STXBP3: variants seen among roughly 807,000 people sequenced by gnomAD.
STXBP3 encodes the protein syntaxin binding protein 3, also known as syntaxin-binding protein 3.
In STXBP3, 41 loss-of-function variants were observed where a neutral mutation model predicts 85.7. That is an observed-to-expected ratio of 0.48 (90% CI 0.37 to 0.62). The LOEUF (loss-of-function observed/expected upper bound fraction) is 0.62. STXBP3 is among the 20% of genes least tolerant of loss of function. The probability of loss-of-function intolerance (pLI) is 0.00; values close to 1 mark genes in which losing one functional copy is unlikely to be tolerated. For synonymous variants in STXBP3, 229 were observed against 231.7 expected (o/e 0.99, Z 0.10); for missense variants, 563 against 703.1 (o/e 0.80, Z 2.25).
Position 108,796,626 on chromosome 1 carries a change from C to A in STXBP3, c.1256C>A (p.Thr419Lys). The part of the protein sequence containing the change: ...LLYIFSINGT[T>K]EENLDRLIQN... ...ATATTTTTACCTATTTAAGGAACTA[C>A]GGAAGAAAATTTGGACAGGTTGATC... Residue 419 changes from threonine (T) to lysine (K), a missense_variant, in exon 15 of 19, where the codon ACG becomes AAG. Physicochemically the swap from Thr to Lys is moderately conservative, Grantham distance 78 (BLOSUM62 -1). Coordinates refer to ENST00000370008, the MANE Select transcript of STXBP3 (RefSeq NM_007269.4). 8 of 1,611,386 alleles carry A rather than the reference C, an allele frequency of 5.0e-6. No individual in the cohort carries two copies. Among genetic ancestry groups the A allele is most frequent in the Non-Finnish European group, 6.8e-6 (8 of 1,178,924 alleles).
At chr1:108,772,442 C>T (rs1662484032) in intron 6 of STXBP3, among the ~76,000 whole-genome samples, 1 of 136,444 alleles carries the variant, frequency 7.3e-6, no homozygotes, top group Non-Finnish European at 1.5e-5. Context: ...TGATATCTAT[C>T]TGTATAATAT....
At chr1:108,775,870 A>G (rs868042726) in intron 7 of STXBP3, among the ~76,000 whole-genome samples, 1 of 152,140 alleles carries the variant, frequency 6.6e-6, no homozygotes, top group African/African-American at 2.4e-5. Flanking sequence ...TATAGGAGAT[A>G]AAATGAATAA....
chr1:108,778,058 T>G (rs1662625796), intron 8 of STXBP3, among the ~76,000 whole-genome samples: 1 of 152,160 alleles, frequency 6.6e-6, no homozygotes. Context: ...TACTGCAAGA[T>G]GTGGTCAAGG....
intron 17 of STXBP3, among the ~76,000 whole-genome samples, chr1:108,803,577 C>T (rs541433956): frequency 9.8e-5 from 15 of 152,290 alleles, no homozygotes; most frequent in African/African-American, 2.9e-4. Context: ...CAACCTGTGC[C>T]TCCCGGACTC....
chr1:108,746,760 G>T lies in STXBP3; in HGVS notation c.23G>T (p.Arg8Met), dbSNP rs141120519. The change falls in exon 1 of 19, where the codon AGG becomes ATG. Residue 8 changes from arginine to methionine, a missense_variant. By Grantham distance (91) the Arg-to-Met change is moderately conservative. Coordinates refer to ENST00000370008, the MANE Select transcript of STXBP3 (RefSeq NM_007269.4). ...AAGATGGCGCCGCCGGTGGCAGAGA[G>T]GGGGCTAAAGAGCGTCGTGTGGCAG... MAPPVAE[R>M]GLKSVVWQKI... 6.5e-7 allele frequency: 1 copy of T among 1,550,196 alleles called. No homozygotes were observed.
In STXBP3 at chr1:108,800,236, G is replaced by A. The variant is rs1370244015; in HGVS notation, c.1466G>A (p.Arg489Lys). 3.7e-6 allele frequency: 6 copies of A among 1,610,044 alleles called. No homozygotes were observed. In the African/African-American group the frequency reaches 6.7e-5, roughly 18 times the overall value. Residue 489 changes from arginine to lysine, a missense_variant, in exon 17 of 19, where the codon AGA becomes AAA. Physicochemically the swap from Arg to Lys is conservative, Grantham distance 26. Around this residue, in one of 3 missense-constraint regions of STXBP3, gnomAD observed 494 missense variants for 592.8 expected, o/e 0.83. Transcript: ENST00000370008. ...KDIMEDAIDN[R>K]LDSKEWPYCS... ...CTTCCTTAGGATGCTATTGATAATA[G>A]ATTAGATTCAAAAGAATGGCCATAT...
At chr1:108,776,308 G>A in intron 7 of STXBP3, 25 bp from the exon 8 acceptor site, 1 of 1,521,614 alleles carries the variant, frequency 6.6e-7, no homozygotes, top group Non-Finnish European at 9.0e-7. Flanking sequence ...AAAGATAATT[G>A]TTTGATCCTT....
At chr1:108,793,229 C>T (rs375454057) in intron 11 of STXBP3, among the ~76,000 whole-genome samples, 150 of 113,184 alleles carry the variant, frequency 1.3e-3, no homozygotes, top group African/African-American at 4.8e-3. Flanking sequence ...TATTTCCTTT[C>T]AGTGGTGTTT....
At chr1:108,756,838 T>C (rs1214101263) in intron 4 of STXBP3, 72 bp downstream of exon 4, 7 of 1,171,592 alleles carry the variant, frequency 6.0e-6, no homozygotes, top group Non-Finnish European at 8.3e-6. Flanking sequence ...TAACAGAAAA[T>C]TCAAAGTAAT....
intron 12 of STXBP3, among the ~76,000 whole-genome samples, chr1:108,793,869 A>G (rs920748403): frequency 2.0e-5 from 3 of 147,216 alleles, no homozygotes; most frequent in Admixed American, 7.1e-5. Flanking sequence ...TAAAGTTTCT[A>G]TATCTTTGTC....
chr1:108,798,406 CTTTT>C (rs781000610), intron 16 of STXBP3, among the ~76,000 whole-genome samples, 169 bp downstream of exon 16: 298 of 101,560 alleles, frequency 2.9e-3, no homozygotes, highest in Non-Finnish European at 4.6e-3. Context: ...GATTCTTCTT[CTTTT>C]TTTTTTTTTT....
At position 108,779,282 on chromosome 1, in the gene STXBP3, C is replaced by T; in HGVS notation, c.685-4C>T. The stretch of plus-strand genomic sequence containing the variant: ...CTTAAGATGATTTTATCTTGTTATT[C>T]TAGGGTAAAACTCATTCACAGCTCT... On this transcript the variant is annotated splice_region_variant and splice_polypyrimidine_tract_variant and intron_variant, in intron 8 of 18. Coordinates refer to ENST00000370008, the MANE Select transcript of STXBP3 (RefSeq NM_007269.4). The T allele has an allele frequency of 1.2e-6, 2 of 1,608,138 alleles. No individual in the cohort carries two copies. The highest frequency in any genetic ancestry group is 1.7e-6 in the Non-Finnish European group (2 of 1,176,982).
chr1:108,789,652 T>C (rs1662935295), intron 11 of STXBP3, among the ~76,000 whole-genome samples: 2 of 152,348 alleles, frequency 1.3e-5, no homozygotes, highest in East Asian at 3.8e-4. Context: ...GAATACGTTT[T>C]TAAATTTCAA....
At chr1:108,776,998 T>C (rs1040099847) in intron 8 of STXBP3, among the ~76,000 whole-genome samples, 4 of 152,170 alleles carry the variant, frequency 2.6e-5, no homozygotes, top group African/African-American at 7.2e-5. Context: ...GCCATTGTTA[T>C]CCTATGGAAA....
At chr1:108,807,873 A>G (rs1236803293) in intron 18 of STXBP3, among the ~76,000 whole-genome samples, 1 of 152,080 alleles carries the variant, frequency 6.6e-6, no homozygotes, top group African/African-American at 2.4e-5. Flanking sequence ...CACCGCACCC[A>G]GCCTTCTTTT....
At chr1:108,793,160 T>TTTTTTTC (rs1663013017) in intron 11 of STXBP3, among the ~76,000 whole-genome samples, 2 of 139,762 alleles carry the variant, frequency 1.4e-5, no homozygotes, top group South Asian at 2.4e-4. Context: ...TATCTCCATT[T>TTTTTTTC]TTTTTTTTTT....
At chr1:108,761,342 A>T (rs1445064948) in intron 6 of STXBP3, among the ~76,000 whole-genome samples, 3 of 152,314 alleles carry the variant, frequency 2.0e-5, no homozygotes, top group East Asian at 1.9e-4. Flanking sequence ...TAGGGTGAAA[A>T]TGAGCTTCTG....
At chr1:108,758,666 C>A in intron 5 of STXBP3, 78 bp downstream of exon 5, 3 of 693,706 alleles carry the variant, frequency 4.3e-6, no homozygotes, top group Admixed American at 3.2e-5. Flanking sequence ...AAAAATCAGC[C>A]CAAAATGTCA....
chr1:108,798,190 A>T lies in STXBP3; in HGVS notation c.1402A>T (p.Thr468Ser). 2 of 1,612,040 alleles carry T rather than the reference A, an allele frequency of 1.2e-6. No individual in the cohort carries two copies. Among genetic ancestry groups the T allele is most frequent in the Non-Finnish European group, 1.7e-6 (2 of 1,179,392 alleles). Reference protein sequence around the residue: ...PLRKDRSAEETFQLSRWTPFI... With the variant: ...PLRKDRSAEESFQLSRWTPFI... ...AAGAAAGGATCGGTCTGCAGAAGAA[A>T]CTTTTCAGCTCTCTCGGTGGACACC... is the stretch of plus-strand genomic sequence containing the variant. The change falls in exon 16 of 19, where the codon ACT becomes TCT. Residue 468 changes from threonine (T) to serine (S), a missense_variant. Around this residue, in one of 3 missense-constraint regions of STXBP3, gnomAD observed 494 missense variants for 592.8 expected, o/e 0.83. Coordinates refer to ENST00000370008, the MANE Select transcript of STXBP3 (RefSeq NM_007269.4).
Sources: gnomAD v4.1 joint callset for allele counts (sites outside exome capture counted in the v4.1 genomes callset) on GRCh38, gnomAD v4.1.1 for gene constraint, gnomAD v4.1.1 regional missense constraint, MANE v1.5 for transcripts, NCBI Gene and HGNC (gene_info 2026-07-23, HGNC 2026-07-21) for gene names.